The following EHMT1 variants were observed in gnomAD, a reference collection of about 807,000 sequenced individuals.
The protein encoded by EHMT1 is euchromatic histone lysine methyltransferase 1, also known as histone-lysine N-methyltransferase EHMT1.
A neutral mutation model predicts 147.2 loss-of-function variants in EHMT1; 15 were observed. The ratio of observed to expected loss-of-function variants is 0.10; its 90% CI spans 0.07 to 0.16. The LOEUF is 0.16. Ranked by LOEUF, EHMT1 falls within the 10% of genes least tolerant of loss-of-function variation. EHMT1 has a pLI of 1.00. For missense variants in EHMT1, 1,587 were observed against 1,772.4 expected (o/e 0.90, Z 1.88); for synonymous variants, 795 against 709.6 (o/e 1.12, Z -1.91).
chr9:137,718,996 A>C (rs1394580424), intron 3 of EHMT1, among the ~76,000 whole-genome samples: 2 of 151,992 alleles, frequency 1.3e-5, no homozygotes, highest in Admixed American at 6.6e-5. Flanking sequence ...CAGGTGATCC[A>C]TGCGCCTCGG....
At chr9:137,824,353 T>A (rs922330609) in intron 25 of EHMT1, among the ~76,000 whole-genome samples, 7 of 152,352 alleles carry the variant, frequency 4.6e-5, no homozygotes, top group African/African-American at 1.4e-4. Context: ...CTGGACCATG[T>A]TTTGTTCCTT....
chr9:137,768,529 ATTTTTTTTTTTTTTTTTTT>A (rs947901899), intron 10 of EHMT1, among the ~76,000 whole-genome samples: 77 of 18,284 alleles, frequency 4.2e-3, no homozygotes, highest in Middle Eastern at 0.071. Flanking sequence ...AATTTTTTGT[ATTTTTTTTTTTTTTTTTTT>A]TTTTTTTTTT....
At chr9:137,804,635 TA>T (rs1176686999) in intron 18 of EHMT1, among the ~76,000 whole-genome samples, 1 of 152,258 alleles carries the variant, frequency 6.6e-6, no homozygotes, top group Non-Finnish European at 1.5e-5. Flanking sequence ...GCGTTCTGTT[TA>T]AGAAATCACT....
chr9:137,678,784 G>A (rs1272803752), intron 1 of EHMT1, among the ~76,000 whole-genome samples: 5 of 148,954 alleles, frequency 3.4e-5, no homozygotes, highest in African/African-American at 1.2e-4. Flanking sequence ...TATCTGACGA[G>A]GGAGACGGCT....
intron 3 of EHMT1, among the ~76,000 whole-genome samples, chr9:137,719,176 G>A (rs537253252): frequency 1.7e-3 from 254 of 152,256 alleles, no homozygotes; most frequent in Non-Finnish European, 3.1e-3. Context: ...GGGTTCTCTT[G>A]GACTTGACAC....
At chr9:137,697,949 G>A (rs1378226543) in intron 1 of EHMT1, among the ~76,000 whole-genome samples, 1 of 151,342 alleles carries the variant, frequency 6.6e-6, no homozygotes, top group Non-Finnish European at 1.5e-5. Context: ...GCGTGTGAGG[G>A]CGGCGTGGCT....
At chr9:137,777,515 TAA>T (rs1382116669) in intron 12 of EHMT1, 3 of 309,442 alleles carry the variant, frequency 9.7e-6, no homozygotes, top group East Asian at 7.3e-5. Flanking sequence ...GAAGATTATT[TAA>T]AAGAGACTCA....
At chr9:137,674,806 C>A (rs117717647) in intron 1 of EHMT1, 1 of 152,352 alleles carries the variant, frequency 6.6e-6, no homozygotes, top group Non-Finnish European at 1.5e-5. Context: ...GCCCCAAAAG[C>A]TCGCTGCATA....
At chr9:137,695,770 G>T (rs1325746475) in intron 1 of EHMT1, among the ~76,000 whole-genome samples, 1 of 152,218 alleles carries the variant, frequency 6.6e-6, no homozygotes, top group Non-Finnish European at 1.5e-5. Flanking sequence ...TCTGTGTCAT[G>T]GGCTGCCACT....
intron 2 of EHMT1, among the ~76,000 whole-genome samples, chr9:137,711,920 T>C (rs1944768636): frequency 1.3e-5 from 2 of 152,208 alleles, no homozygotes; most frequent in Admixed American, 6.5e-5. Context: ...TGGCTCCTCA[T>C]GGACTGTGGG....
chr9:137,694,709 C>G (rs1420506667), intron 1 of EHMT1, among the ~76,000 whole-genome samples: 1 of 152,184 alleles, frequency 6.6e-6, no homozygotes, highest in South Asian at 2.1e-4. Context: ...GGTGGAGACG[C>G]GCCTAGCACA....
chr9:137,684,161 G>A (rs1035188838), intron 1 of EHMT1, among the ~76,000 whole-genome samples: 11 of 151,838 alleles, frequency 7.2e-5, no homozygotes, highest in African/African-American at 1.5e-4. Flanking sequence ...TCAGCCTCTT[G>A]AGTAGCTGGG....
chr9:137,829,798 A>G (rs1264782414), intron 25 of EHMT1, among the ~76,000 whole-genome samples: 2 of 152,358 alleles, frequency 1.3e-5, no homozygotes, highest in Middle Eastern at 3.4e-3. Flanking sequence ...GCTGGGAGGA[A>G]GGGCTGAGGT....
At position 137,716,833 on chromosome 9, in the gene EHMT1, A is replaced by G; in HGVS notation, c.293A>G (p.Glu98Gly). 1.2e-6 allele frequency: 2 copies of G among 1,613,320 alleles called. No homozygotes were observed. The highest frequency in any genetic ancestry group is 1.3e-5 in the African/African-American group (1 of 75,014). Residue 98 changes from glutamate to glycine, a missense_variant, in exon 3 of 27, where the codon GAA becomes GGA. Coordinates refer to ENST00000460843, the MANE Select transcript of EHMT1 (RefSeq NM_024757.5). ...LTRIAENGVS[E>G]RDSEAAKQNH... is the part of the protein sequence containing the mutation. Reference sequence around the variant, plus strand: ...CGGATAGCGGAAAATGGGGTTTCAGAAAGAGACTCAGAAGCGGCGAAGCAA... The same window carrying G: ...CGGATAGCGGAAAATGGGGTTTCAGGAAGAGACTCAGAAGCGGCGAAGCAA...
intron 1 of EHMT1, among the ~76,000 whole-genome samples, chr9:137,620,526 C>T (rs1156262114): frequency 1.3e-5 from 2 of 152,126 alleles, no homozygotes; most frequent in Non-Finnish European, 2.9e-5. Context: ...AAGGAGTCTC[C>T]CACCTCGGGT....
intron 13 of EHMT1, 43 bp from the exon 14 acceptor site, chr9:137,779,592 G>A (rs369675409): frequency 6.2e-7 from 1 of 1,608,120 alleles, no homozygotes; most frequent in South Asian, 1.1e-5. Context: ...TCATGTGTGG[G>A]ATGCAGAGCC....
chr9:137,669,555 C>T (rs1451611984), intron 1 of EHMT1, among the ~76,000 whole-genome samples: 3 of 151,994 alleles, frequency 2.0e-5, no homozygotes, highest in Non-Finnish European at 4.4e-5. Flanking sequence ...CCCCGCACAG[C>T]ACGTGCACTC....
intron 25 of EHMT1, among the ~76,000 whole-genome samples, chr9:137,823,821 G>A (rs1324775321): frequency 6.6e-6 from 1 of 152,274 alleles, no homozygotes; most frequent in African/African-American, 2.4e-5. Flanking sequence ...GCCTCCCAGA[G>A]TGCTGGGATT....
intron 1 of EHMT1, among the ~76,000 whole-genome samples, chr9:137,692,167 C>T (rs1415442383): frequency 2.6e-5 from 4 of 152,042 alleles, no homozygotes; most frequent in Non-Finnish European, 4.4e-5. Flanking sequence ...GCTCCTTCAG[C>T]GCTGATGAAG....
Sources: allele counts gnomAD v4.1 joint callset (sites outside exome capture counted in the v4.1 genomes callset), GRCh38; gene constraint gnomAD v4.1.1; transcripts MANE v1.5; gene names NCBI Gene and HGNC (gene_info 2026-07-23, HGNC 2026-07-21).